Variants in IL7 observed in about 807,000 individuals in gnomAD.
IL7 encodes the protein interleukin-7.
In IL7, 3 loss-of-function variants were observed where a neutral mutation model predicts 21.6. That is an observed-to-expected ratio of 0.14 (90% CI 0.06 to 0.36). The LOEUF is 0.36. IL7 is among the 10% of genes least tolerant of loss of function. The pLI is 1.00. For missense variants in IL7, 175 were observed against 200.2 expected (o/e 0.87, Z 0.76); for synonymous variants, 62 against 68.1 (o/e 0.91, Z 0.44).
chr8:78,692,503 G>A (rs978242400), intron 3 of IL7, among the ~76,000 whole-genome samples: 1 of 152,114 alleles, frequency 6.6e-6, no homozygotes, highest in Non-Finnish European at 1.5e-5. Flanking sequence ...ACATGACATG[G>A]TAGGTAATAT....
intron 3 of IL7, chr8:78,686,403 AT>A (rs1809971938): frequency 8.3e-6 from 10 of 1,206,902 alleles, no homozygotes; most frequent in Non-Finnish European, 8.6e-6. Context: ...CTGATGTTTT[AT>A]TTCAATATAC....
Position 78,693,848 on chromosome 8 carries a change from G to C in IL7, n.215-7901C>G, listed in dbSNP as rs559798403. Among the ~76,000 whole-genome samples, 93 of 152,256 alleles carry C rather than the reference G, an allele frequency of 6.1e-4. 1 individual carries two copies. Among genetic ancestry groups the C allele is most frequent in the African/African-American group, 2.1e-3 (88 of 41,548 alleles). ...ATGGTATTGCCTAGGTTTTCTTCTA[G>C]GGTTTTTATAGTTTTAGGTCTAACA... On this transcript the variant is annotated intron_variant and non_coding_transcript_variant, in intron 3 of 4. Coordinates refer to the IL7 transcript ENST00000523959.
chr8:78,749,504 C>A (rs1017285562), intron 2 of IL7, among the ~76,000 whole-genome samples: 5 of 152,112 alleles, frequency 3.3e-5, no homozygotes, highest in African/African-American at 1.2e-4. Flanking sequence ...ATTAGAGAAA[C>A]AGATAGAACC....
At chr8:78,759,828 C>T (rs1812487321) in intron 2 of IL7, among the ~76,000 whole-genome samples, 2 of 152,064 alleles carry the variant, frequency 1.3e-5, no homozygotes, top group Non-Finnish European at 2.9e-5. Context: ...TTCATAACAC[C>T]CAACAAGTAG....
At chr8:78,705,013 AT>A (rs1436535668) in intron 3 of IL7, among the ~76,000 whole-genome samples, 1 of 152,016 alleles carries the variant, frequency 6.6e-6, no homozygotes, top group Non-Finnish European at 1.5e-5. Flanking sequence ...TTTTATCATG[AT>A]TTTTAGCTTC....
At chr8:78,798,298 A>T (rs1017747448) in intron 1 of IL7, 90 bp from the exon 2 acceptor site, 15 of 860,164 alleles carry the variant, frequency 1.7e-5, no homozygotes, top group Non-Finnish European at 2.6e-5. Flanking sequence ...ACTAATTTCT[A>T]ATAATTTTAA....
intron 3 of IL7, among the ~76,000 whole-genome samples, chr8:78,739,707 G>A (rs2919932): frequency 0.32 from 47,272 of 149,860 alleles, 8,273 homozygotes; most frequent in African/African-American, 0.47. Flanking sequence ...AAAAAACAAA[G>A]AAAGAAAGAA....
rs1813740063 is a variant in IL7 at position 78,792,868 on chromosome 8, T to C, written c.147+5204A>G. Among the ~76,000 whole-genome samples, 5 of 152,246 alleles carry C rather than the reference T, an allele frequency of 3.3e-5. No individual in the cohort carries two copies. The South Asian group carries it at 1.0e-3, about 32-fold the overall frequency. On this transcript the variant is annotated intron_variant, in intron 2 of 5. Transcript: ENST00000263851. ...GCCTCTTTAGAAACAGTTTGCAGTT[T>C]CTCAAAAAGTTTAACAGAGTGACCA...
At chr8:78,683,234 TC>T (rs1165817543) in intron 4 of IL7, among the ~76,000 whole-genome samples, 1 of 152,224 alleles carries the variant, frequency 6.6e-6, no homozygotes, top group Non-Finnish European at 1.5e-5. Context: ...CAGTGGGGCC[TC>T]TGTGTGTGGA....
intron 3 of IL7, among the ~76,000 whole-genome samples, chr8:78,690,496 C>G (rs764265427): frequency 3.3e-5 from 5 of 150,920 alleles, no homozygotes; most frequent in Non-Finnish European, 5.9e-5. Flanking sequence ...GGAGGAGGAG[C>G]TTGCAGTGAG....
intron 3 of IL7, among the ~76,000 whole-genome samples, chr8:78,725,267 A>T (rs1357425287): frequency 6.6e-6 from 1 of 151,892 alleles, no homozygotes; most frequent in Non-Finnish European, 1.5e-5. Flanking sequence ...AGAGACACAG[A>T]GCTTCTAAGG....
intron 4 of IL7, among the ~76,000 whole-genome samples, chr8:78,681,942 A>G (rs1433493756): frequency 1.8e-5 from 2 of 112,796 alleles, no homozygotes; most frequent in Non-Finnish European, 3.5e-5. Flanking sequence ...GGATCTTACT[A>G]TGTTGACCAG....
In IL7 at chr8:78,761,258, A is replaced by C. The variant is rs55783630; in HGVS notation, c.148-21176T>G. ...AAGCAGTTGTGGTGATCGATGGAAA[A>C]AAGAACAAACTTCCTCGATTGTTCC... On this transcript the variant is annotated intron_variant, in intron 2 of 5. Coordinates refer to ENST00000263851, the MANE Select transcript of IL7 (RefSeq NM_000880.4). The C allele has an allele frequency of 3.5e-3, 5,650 of 1,605,748 alleles. 184 individuals carry two copies. The African/African-American group carries it at 0.069, about 20-fold the overall frequency.
chr8:78,772,586 C>T (rs1398281586), intron 2 of IL7, among the ~76,000 whole-genome samples: 1 of 152,106 alleles, frequency 6.6e-6, no homozygotes, highest in African/African-American at 2.4e-5. Flanking sequence ...TTCTTGGAAA[C>T]TGCGACTTTA....
At chr8:78,772,509 G>A (rs1812992262) in intron 2 of IL7, among the ~76,000 whole-genome samples, 1 of 152,248 alleles carries the variant, frequency 6.6e-6, no homozygotes, top group African/African-American at 2.4e-5. Context: ...CTTGCGTTAT[G>A]AATAAAGTAG....
At chr8:78,676,747 C>A (rs551344542) in intron 4 of IL7, among the ~76,000 whole-genome samples, 2 of 151,970 alleles carry the variant, frequency 1.3e-5, no homozygotes, top group South Asian at 4.2e-4. Context: ...AAACATCTTG[C>A]CCACACATTC....
At chr8:78,714,065 A>C (rs1280458902), downstream of IL7, among the ~76,000 whole-genome samples, 1 of 152,134 alleles carries the variant, frequency 6.6e-6, no homozygotes, top group Non-Finnish European at 1.5e-5. Flanking sequence ...AAGAACCTCT[A>C]ATCTGGAGGT....
chr8:78,727,932 A>C (rs1314687259), downstream of IL7, among the ~76,000 whole-genome samples: 1 of 151,958 alleles, frequency 6.6e-6, no homozygotes, highest in Non-Finnish European at 1.5e-5. Context: ...TATCCATAGG[A>C]TATAAGAACA....
intron 2 of IL7, among the ~76,000 whole-genome samples, chr8:78,759,808 T>G (rs3953003): frequency 6.6e-6 from 1 of 152,320 alleles, no homozygotes; most frequent in Admixed American, 6.5e-5. Context: ...AAATATATTT[T>G]TTCAAAGAAT....
Sources: allele counts gnomAD v4.1 joint callset (sites outside exome capture counted in the v4.1 genomes callset), GRCh38; gene constraint gnomAD v4.1.1; transcripts MANE v1.5; gene names NCBI Gene and HGNC (gene_info 2026-07-23, HGNC 2026-07-21).